Variants in CLDN14 observed in about 807,000 individuals in gnomAD.
CLDN14 encodes the protein claudin-14.
A neutral mutation model predicts 2.1 loss-of-function variants in CLDN14; 2 were observed. The observed-to-expected ratio is 0.96, with a 90% confidence interval of 0.39 to 3.01. CLDN14 has a LOEUF of 3.01. CLDN14 is among the 30% of genes most tolerant of loss of function. The pLI is 0.09. For missense variants in CLDN14, 298 were observed against 328.0 expected (o/e 0.91, Z 0.71); for synonymous variants, 136 against 154.4 (o/e 0.88, Z 0.88).
intron 1 of CLDN14, among the ~76,000 whole-genome samples, chr21:36,472,466 G>C (rs1243821760): frequency 6.6e-6 from 1 of 152,188 alleles, no homozygotes; most frequent in Non-Finnish European, 1.5e-5. Flanking sequence ...CTGGGCCATG[G>C]GGTGCCCAGA....
upstream of CLDN14, chr21:36,480,716 GATTTA>G (rs900262722): frequency 6.6e-6 from 1 of 152,152 alleles, no homozygotes; most frequent in Non-Finnish European, 1.5e-5. Flanking sequence ...GAGAGCCATG[GATTTA>G]ACATGACAAG....
chr21:36,504,186 A>G (rs1195578715), intron 2 of CLDN14, among the ~76,000 whole-genome samples: 1 of 151,362 alleles, frequency 6.6e-6, no homozygotes, highest in Non-Finnish European at 1.5e-5. Context: ...GTAAAAATAA[A>G]AAAATTACCT....
rs115286032 is a variant in CLDN14 at position 36,502,472 on chromosome 21, C to T, written c.-82+7891G>A. ...ACTTTCAGCCATGAAAAGGATATTC[C>T]GAGGAACTGATATCTTAGATTGCTT... On this transcript the variant is annotated intron_variant, in intron 2 of 2. Coordinates refer to the CLDN14 transcript ENST00000342108. Among the ~76,000 whole-genome samples the T allele has an allele frequency of 3.5e-3, 533 of 152,238 alleles. 3 individuals carry two copies. The highest frequency in any genetic ancestry group is 0.012 in the African/African-American group (499 of 41,536).
chr21:36,539,837 A>T (rs1410003908), intron 1 of CLDN14, among the ~76,000 whole-genome samples: 1 of 141,498 alleles, frequency 7.1e-6, no homozygotes, highest in Non-Finnish European at 1.5e-5. Context: ...CTGCAGAGTG[A>T]GTGTGTGTGC....
At chr21:36,505,450 C>G (rs1457919914) in intron 2 of CLDN14, among the ~76,000 whole-genome samples, 3 of 152,112 alleles carry the variant, frequency 2.0e-5, no homozygotes, top group Admixed American at 2.0e-4. Context: ...GTAGACCAAA[C>G]AGCTAAGAAA....
intron 2 of CLDN14, chr21:36,486,986 ATTTTT>A: frequency 1.4e-5 from 4 of 281,788 alleles, no homozygotes; most frequent in Admixed American, 4.7e-5. Flanking sequence ...ATTTTGTTTA[ATTTTT>A]TTTTTTTTTT....
At chr21:36,539,856 T>C (rs1187178790) in intron 1 of CLDN14, among the ~76,000 whole-genome samples, 2 of 148,836 alleles carry the variant, frequency 1.3e-5, no homozygotes, top group Admixed American at 6.7e-5. Flanking sequence ...GCAGAGTGAG[T>C]GTGTGTGTGC....
chr21:36,488,570 T>C (rs2086924211), intron 2 of CLDN14, among the ~76,000 whole-genome samples: 1 of 150,586 alleles, frequency 6.6e-6, no homozygotes, highest in Non-Finnish European at 1.5e-5. Flanking sequence ...GCGCCCGGCC[T>C]GTGATTCCAC....
In CLDN14 at chr21:36,461,003, G is replaced by A. The variant is rs554611270; in HGVS notation, c.693C>T (p.Ser231=). 6.2e-6 allele frequency: 10 copies of A among 1,613,114 alleles called. No individual in the cohort carries two copies. The highest frequency in any genetic ancestry group is 4.5e-5 in the East Asian group (2 of 44,878). Residue 231 remains serine (S), a synonymous_variant, in exon 2 of 2, where the codon AGC becomes AGT. Transcript: ENST00000399135. ...ACACGTAGTCGTTCAGCCTGTACCC[G>A]CTGTGCGTGGCCGAGGTCACTGAGG... The part of the protein sequence containing the change: ...RAPSVTSATH[S]GYRLNDYV
chr21:36,504,830 G>C (rs909196907), intron 2 of CLDN14, among the ~76,000 whole-genome samples: 3 of 152,168 alleles, frequency 2.0e-5, no homozygotes, highest in Admixed American at 6.5e-5. Context: ...CTTCTGATTT[G>C]AAGACAGCAG....
intron 1 of CLDN14, among the ~76,000 whole-genome samples, chr21:36,520,888 C>T (rs923966287): frequency 1.3e-5 from 2 of 152,088 alleles, no homozygotes; most frequent in African/African-American, 4.8e-5. Context: ...CACTAACCCC[C>T]TTCAACGCTC....
intron 1 of CLDN14, among the ~76,000 whole-genome samples, chr21:36,552,729 G>GA (rs66807831): frequency 0.73 from 110,893 of 151,122 alleles, 42,080 homozygotes; most frequent in Non-Finnish European, 0.85. Flanking sequence ...TCCTGAATTG[G>GA]AAAAAAAAAC....
At chr21:36,473,053 G>A (rs1477308304) in intron 1 of CLDN14, among the ~76,000 whole-genome samples, 1 of 151,508 alleles carries the variant, frequency 6.6e-6, no homozygotes, top group Non-Finnish European at 1.5e-5. Flanking sequence ...CTCTATAGCA[G>A]GCTGCCTTCC....
chr21:36,486,502 A>G, intron 2 of CLDN14: 5 of 1,563,414 alleles, frequency 3.2e-6, no homozygotes, highest in Non-Finnish European at 4.4e-6. Flanking sequence ...AGTCACTGGC[A>G]CCGAGACCCA....
At chr21:36,530,319 C>T (rs2087369683) in intron 1 of CLDN14, among the ~76,000 whole-genome samples, 2 of 151,852 alleles carry the variant, frequency 1.3e-5, no homozygotes, top group Admixed American at 1.3e-4. Context: ...GGTGGGTGGG[C>T]TCTGAGGGAG....
intron 1 of CLDN14, among the ~76,000 whole-genome samples, chr21:36,549,836 T>A (rs1481130808): frequency 6.6e-6 from 1 of 152,168 alleles, no homozygotes; most frequent in African/African-American, 2.4e-5. Context: ...CTCGCAATCG[T>A]CCCCTGGCCT....
intron 1 of CLDN14, among the ~76,000 whole-genome samples, chr21:36,528,972 G>C (rs1253491182): frequency 6.6e-6 from 1 of 152,154 alleles, no homozygotes; most frequent in African/African-American, 2.4e-5. Context: ...AAGCAAGGGG[G>C]TCACCTGCCC....
At chr21:36,566,699 C>T (rs73905106) in intron 1 of CLDN14, among the ~76,000 whole-genome samples, 235 of 152,322 alleles carry the variant, frequency 1.5e-3, no homozygotes, top group African/African-American at 5.4e-3. Context: ...TGTGCAAAAG[C>T]GTTTTCTTAT....
At chr21:36,476,140 T>C (rs219749) in intron 1 of CLDN14, among the ~76,000 whole-genome samples, 62,039 of 151,978 alleles carry the variant, frequency 0.41, 14,897 homozygotes, top group African/African-American at 0.68. Flanking sequence ...CCCTGGAATA[T>C]TGTCTCACCT....
Sources: allele counts gnomAD v4.1 joint callset (sites outside exome capture counted in the v4.1 genomes callset), GRCh38; gene constraint gnomAD v4.1.1; transcripts MANE v1.5; gene names NCBI Gene and HGNC (gene_info 2026-07-23, HGNC 2026-07-21).